Variants in PTPN3 observed in about 807,000 individuals in gnomAD.
The protein encoded by PTPN3 is protein tyrosine phosphatase non-receptor type 3, also known as tyrosine-protein phosphatase non-receptor type 3.
PTPN3 carries 96 observed loss-of-function variants against 132.7 expected under a neutral mutation model. The ratio of observed to expected loss-of-function variants is 0.72; its 90% CI spans 0.61 to 0.86. PTPN3 has a LOEUF of 0.86. PTPN3 is among the 40% of genes least tolerant of loss of function. PTPN3 has a pLI of 0.00. For synonymous variants in PTPN3, 398 were observed against 429.0 expected (o/e 0.93, Z 0.89); for missense variants, 1,125 against 1,159.6 (o/e 0.97, Z 0.43).
intron 23 of PTPN3, 95 bp downstream of exon 23, chr9:109,383,324 GCAAA>G: frequency 1.9e-5 from 31 of 1,596,062 alleles, no homozygotes; most frequent in Non-Finnish European, 2.5e-5. Context: ...CTTGCCAGGT[GCAAA>G]CAGAGTGCAC....
chr9:109,514,249 A>G, the PTPN3 span, among the ~76,000 whole-genome samples: 1 of 152,094 alleles, frequency 6.6e-6, no homozygotes, highest in Non-Finnish European at 1.5e-5. Context: ...CCCCCCAAAT[A>G]CTGATAACAT....
chr9:109,490,067 C>G (rs1033681399), intron 1 of PTPN3, among the ~76,000 whole-genome samples: 1 of 152,100 alleles, frequency 6.6e-6, no homozygotes, highest in South Asian at 2.1e-4. Flanking sequence ...CCTGTAATCT[C>G]AGTTACTTGG....
intron 1 of PTPN3, among the ~76,000 whole-genome samples, chr9:109,471,181 C>A (rs1224673733): frequency 6.6e-6 from 1 of 152,020 alleles, no homozygotes; most frequent in African/African-American, 2.4e-5. Flanking sequence ...CTCAGCCTCC[C>A]GAGTAGCTGG....
the PTPN3 span, among the ~76,000 whole-genome samples, chr9:109,512,213 C>G: frequency 6.6e-6 from 1 of 152,148 alleles, no homozygotes; most frequent in African/African-American, 2.4e-5. Flanking sequence ...AGCTTTTTAA[C>G]GATATTCCTT....
chr9:109,470,129 C>T (rs769470443), intron 1 of PTPN3, among the ~76,000 whole-genome samples: 16 of 152,116 alleles, frequency 1.1e-4, no homozygotes, highest in Non-Finnish European at 1.6e-4. Context: ...AGTACATGTA[C>T]TATCAGCCAC....
At chr9:109,454,691 A>G (rs1379765694) in intron 4 of PTPN3, 117 bp from the exon 5 acceptor site, 2 of 744,782 alleles carry the variant, frequency 2.7e-6, no homozygotes, top group Non-Finnish European at 4.5e-6. Flanking sequence ...TTTCCATTAT[A>G]AAAGGGCTAA....
intron 22 of PTPN3, among the ~76,000 whole-genome samples, chr9:109,387,096 G>A (rs1839650861): frequency 6.6e-6 from 1 of 152,210 alleles, no homozygotes; most frequent in South Asian, 2.1e-4. Flanking sequence ...CCAGACTGGT[G>A]AGCTCAGGGC....
At chr9:109,458,053 G>A (rs184998829) in intron 2 of PTPN3, among the ~76,000 whole-genome samples, 110 of 152,326 alleles carry the variant, frequency 7.2e-4, no homozygotes, top group African/African-American at 2.4e-3. Context: ...ATGTTTATGG[G>A]GCAGGCACGG....
At chr9:109,392,080 A>G (rs767994540) in intron 19 of PTPN3, among the ~76,000 whole-genome samples, 1 of 152,210 alleles carries the variant, frequency 6.6e-6, no homozygotes, top group African/African-American at 2.4e-5. Context: ...TTCCCTACAC[A>G]TGTAATCACT....
intron 4 of PTPN3, among the ~76,000 whole-genome samples, chr9:109,456,586 G>A (rs1172447594): frequency 6.6e-6 from 1 of 152,160 alleles, no homozygotes; most frequent in African/African-American, 2.4e-5. Context: ...TGGCATAAAG[G>A]GGAACAATGC....
At chr9:109,403,398 T>G (rs574584285) in intron 19 of PTPN3, among the ~76,000 whole-genome samples, 1 of 152,358 alleles carries the variant, frequency 6.6e-6, no homozygotes, top group East Asian at 1.9e-4. Context: ...TGTTCTTGAG[T>G]CCCATGTGAC....
chr9:109,414,339 G>A (rs1240338595), intron 14 of PTPN3, among the ~76,000 whole-genome samples: 3 of 152,222 alleles, frequency 2.0e-5, no homozygotes, highest in Admixed American at 2.0e-4. Context: ...GTGGGTCTGA[G>A]ATTCTGCATT....
At chr9:109,434,465 G>T (rs549044132) in intron 9 of PTPN3, among the ~76,000 whole-genome samples, 1 of 151,400 alleles carries the variant, frequency 6.6e-6, no homozygotes, top group Non-Finnish European at 1.5e-5. Flanking sequence ...GTGCCACCAC[G>T]CCCAGCTAAT....
At chr9:109,471,887 T>G (rs1404159132) in intron 1 of PTPN3, among the ~76,000 whole-genome samples, 1 of 152,198 alleles carries the variant, frequency 6.6e-6, no homozygotes, top group Non-Finnish European at 1.5e-5. Flanking sequence ...TGGAAAATCT[T>G]CCACCAGACA....
chr9:109,392,746 G>C (rs988571914), intron 19 of PTPN3: 1 of 152,142 alleles, frequency 6.6e-6, no homozygotes, highest in Non-Finnish European at 1.5e-5. Context: ...TGGGACTACA[G>C]GTGTGCATCA....
the PTPN3 span, among the ~76,000 whole-genome samples, chr9:109,522,567 C>T: frequency 6.6e-6 from 1 of 152,210 alleles, no homozygotes; most frequent in Non-Finnish European, 1.5e-5. Flanking sequence ...TCCACCCACA[C>T]TGCTCAAGGT....
At chr9:109,466,698 C>A (rs570777635) in intron 1 of PTPN3, among the ~76,000 whole-genome samples, 1 of 152,062 alleles carries the variant, frequency 6.6e-6, no homozygotes, top group African/African-American at 2.4e-5. Context: ...TTCTGGCAGA[C>A]GCAAGTCACG....
At chr9:109,509,187 A>T in the PTPN3 span, among the ~76,000 whole-genome samples, 1 of 152,240 alleles carries the variant, frequency 6.6e-6, no homozygotes, top group Non-Finnish European at 1.5e-5. Context: ...TGAAATTATC[A>T]GGAAATAAAG....
At chr9:109,402,294 T>TAGAGG (rs754689292) in intron 19 of PTPN3, among the ~76,000 whole-genome samples, 12,685 of 152,144 alleles carry the variant, frequency 0.083, 735 homozygotes, top group Non-Finnish European at 0.12. Context: ...TCCTTTTTTT[T>TAGAGG]TTATTTTTAT....
Sources: allele counts gnomAD v4.1 joint callset (sites outside exome capture counted in the v4.1 genomes callset), GRCh38; gene constraint gnomAD v4.1.1; transcripts MANE v1.5; gene names NCBI Gene and HGNC (gene_info 2026-07-23, HGNC 2026-07-21).